The following PTPRD variants were observed in gnomAD, a reference collection of about 807,000 sequenced individuals.
PTPRD encodes the protein receptor-type tyrosine-protein phosphatase delta.
In PTPRD, 34 loss-of-function variants were observed where a neutral mutation model predicts 214.5. The ratio of observed to expected loss-of-function variants is 0.16; its 90% CI spans 0.12 to 0.21. The LOEUF (loss-of-function observed/expected upper bound fraction) is 0.21, where lower values mean the gene tolerates loss of function less well. PTPRD is among the 10% of genes least tolerant of loss of function. The pLI is 1.00. For synonymous variants in PTPRD, 1,128 were observed against 845.7 expected (o/e 1.33, Z -5.79); for missense variants, 2,545 against 2,398.7 (o/e 1.06, Z -1.27).
chr9:9,904,456 CTTT>C (rs2077091629), intron 5 of PTPRD, among the ~76,000 whole-genome samples: 2 of 151,998 alleles, frequency 1.3e-5, no homozygotes, highest in Admixed American at 1.3e-4. Flanking sequence ...AGTGTATTCA[CTTT>C]TTGTTATTCT....
At chr9:10,369,949 G>C (rs2097579881) in intron 2 of PTPRD, among the ~76,000 whole-genome samples, 2 of 152,012 alleles carry the variant, frequency 1.3e-5, no homozygotes, top group African/African-American at 2.4e-5. Context: ...TTATATGCGA[G>C]GCATTGTCCT....
At chr9:9,787,238 A>C (rs1252951993) in intron 5 of PTPRD, among the ~76,000 whole-genome samples, 2 of 150,660 alleles carry the variant, frequency 1.3e-5, no homozygotes, top group Admixed American at 1.3e-4. Flanking sequence ...AAGAACAAAC[A>C]GTACTACACA....
chr9:9,282,246 A>G (rs78400805), intron 9 of PTPRD, among the ~76,000 whole-genome samples: 1 of 151,258 alleles, frequency 6.6e-6, no homozygotes, highest in Non-Finnish European at 1.5e-5. Flanking sequence ...TAATGTTTCA[A>G]TGTAGGCTCA....
chr9:9,261,942 C>A (rs1055506175), intron 9 of PTPRD, among the ~76,000 whole-genome samples: 1 of 151,520 alleles, frequency 6.6e-6, no homozygotes, highest in Non-Finnish European at 1.5e-5. Context: ...AATGGACCTA[C>A]CTGCAGATAA....
chr9:8,986,368 C>A (rs2099345126), intron 11 of PTPRD, among the ~76,000 whole-genome samples: 1 of 151,882 alleles, frequency 6.6e-6, no homozygotes, highest in African/African-American at 2.4e-5. Context: ...GAGAAGAAAA[C>A]AGAACCACTA....
intron 6 of PTPRD, among the ~76,000 whole-genome samples, chr9:9,749,104 C>T (rs2098487378): frequency 6.6e-6 from 1 of 152,120 alleles, no homozygotes; most frequent in Non-Finnish European, 1.5e-5. Context: ...CTTTACTCCT[C>T]TGATTCTAAA....
At chr9:8,569,230 T>A (rs952443931) in intron 14 of PTPRD, among the ~76,000 whole-genome samples, 1 of 152,022 alleles carries the variant, frequency 6.6e-6, no homozygotes, top group Non-Finnish European at 1.5e-5. Flanking sequence ...CCTTAAAACT[T>A]CCAGAGGAAA....
chr9:8,856,474 C>A (rs2097917488), intron 11 of PTPRD, among the ~76,000 whole-genome samples: 1 of 152,182 alleles, frequency 6.6e-6, no homozygotes, highest in South Asian at 2.1e-4. Context: ...TTACTAGCCT[C>A]TGAGAGGTTC....
At chr9:10,497,893 A>T (rs982477027) in intron 2 of PTPRD, among the ~76,000 whole-genome samples, 1 of 152,034 alleles carries the variant, frequency 6.6e-6, no homozygotes, top group African/African-American at 2.4e-5. Context: ...ATATTTAAAA[A>T]TGTGATAGGA....
intron 2 of PTPRD, among the ~76,000 whole-genome samples, chr9:10,466,565 G>A (rs1246062576): frequency 6.9e-6 from 1 of 144,780 alleles, no homozygotes; most frequent in South Asian, 2.1e-4. Flanking sequence ...AGAGGTTGCG[G>A]TGAGCCAAGA....
At chr9:8,921,773 A>G (rs2098829622) in intron 11 of PTPRD, among the ~76,000 whole-genome samples, 1 of 152,004 alleles carries the variant, frequency 6.6e-6, no homozygotes, top group Non-Finnish European at 1.5e-5. Context: ...GGATTACAGG[A>G]GTGAGCCACC....
chr9:9,523,529 A>C (rs2097043953), intron 8 of PTPRD, among the ~76,000 whole-genome samples: 1 of 152,084 alleles, frequency 6.6e-6, no homozygotes, highest in Non-Finnish European at 1.5e-5. Flanking sequence ...TGTTCTATCT[A>C]TCTCTTTGCT....
chr9:10,043,201 T>C (rs1053556309), intron 3 of PTPRD, among the ~76,000 whole-genome samples: 2 of 151,994 alleles, frequency 1.3e-5, no homozygotes, highest in African/African-American at 4.8e-5. Context: ...GCCTCTCTGA[T>C]ACACTTAGGC....
intron 11 of PTPRD, among the ~76,000 whole-genome samples, chr9:8,950,209 A>G (rs1211252776): frequency 2.0e-5 from 3 of 152,122 alleles, no homozygotes; most frequent in Non-Finnish European, 4.4e-5. Flanking sequence ...AGGGGGAACA[A>G]CCTACTAAGT....
chr9:10,319,329 C>G (rs111987627), intron 3 of PTPRD, among the ~76,000 whole-genome samples: 1,731 of 152,192 alleles, frequency 0.011, 32 homozygotes, highest in African/African-American at 0.04. Flanking sequence ...CTGTGGTTTA[C>G]AGTCAGTTAT....
At chr9:9,831,365 A>G (rs894445078) in intron 5 of PTPRD, among the ~76,000 whole-genome samples, 1 of 151,976 alleles carries the variant, frequency 6.6e-6, no homozygotes, top group Non-Finnish European at 1.5e-5. Flanking sequence ...ATTACTTATG[A>G]TTTTTAATGT....
chr9:10,058,875 A>G (rs1173307132), intron 3 of PTPRD, among the ~76,000 whole-genome samples: 2 of 152,236 alleles, frequency 1.3e-5, no homozygotes, highest in South Asian at 2.1e-4. Flanking sequence ...CTTTGTTTCT[A>G]TCGTTTGAAA....
At chr9:9,065,472 G>C (rs10816044) in intron 10 of PTPRD, among the ~76,000 whole-genome samples, 59,100 of 152,098 alleles carry the variant, frequency 0.39, 13,196 homozygotes, top group East Asian at 0.68. Context: ...GATGACATAG[G>C]GAAGTGGGAG....
intron 3 of PTPRD, among the ~76,000 whole-genome samples, chr9:10,218,832 A>G (rs1031894241): frequency 6.6e-6 from 1 of 151,826 alleles, no homozygotes; most frequent in African/African-American, 2.4e-5. Flanking sequence ...TATATTTATT[A>G]TAAAAACAGT....
Sources: gnomAD v4.1 joint callset for allele counts (sites outside exome capture counted in the v4.1 genomes callset) on GRCh38, gnomAD v4.1.1 for gene constraint, MANE v1.5 for transcripts, NCBI Gene and HGNC (gene_info 2026-07-23, HGNC 2026-07-21) for gene names.